Variants in PARVA observed in about 807,000 individuals in gnomAD.
The protein encoded by PARVA is parvin alpha.
A neutral mutation model predicts 52.6 loss-of-function variants in PARVA; 25 were observed. The ratio of observed to expected loss-of-function variants is 0.48; its 90% CI spans 0.35 to 0.66. PARVA has a LOEUF of 0.66. PARVA is among the 30% of genes least tolerant of loss of function. The probability of loss-of-function intolerance (pLI) is 0.01; values close to 1 mark genes in which losing one functional copy is unlikely to be tolerated. For synonymous variants in PARVA, 185 were observed against 179.1 expected (o/e 1.03, Z -0.26); for missense variants, 373 against 450.9 (o/e 0.83, Z 1.56).
chr11:12,470,457 G>A (rs958844362), intron 1 of PARVA, among the ~76,000 whole-genome samples: 3 of 152,214 alleles, frequency 2.0e-5, no homozygotes, highest in Non-Finnish European at 4.4e-5. Flanking sequence ...TCTAAGGCAT[G>A]AGAGGTTGAT....
chr11:12,524,861 C>G (rs980830866), intron 12 of PARVA, among the ~76,000 whole-genome samples: 1 of 152,168 alleles, frequency 6.6e-6, no homozygotes, highest in Non-Finnish European at 1.5e-5. Flanking sequence ...GCATACAAGT[C>G]ACTGATTTAC....
intron 1 of PARVA, among the ~76,000 whole-genome samples, chr11:12,459,508 T>A (rs1423937360): frequency 2.0e-5 from 3 of 152,072 alleles, no homozygotes; most frequent in African/African-American, 7.2e-5. Flanking sequence ...AGGCCCCACA[T>A]TCCTTGCTGG....
In PARVA at chr11:12,532,494, C is replaced by G. The variant is rs926822482; in HGVS notation, c.*4569C>G. On this transcript the variant is annotated 3_prime_UTR_variant, in exon 13 of 13. Transcript: ENST00000334956. ...CTCTGAACTCAGGACTTCATTTAGT[C>G]ATATATTCGGCAAGTATGTGTTGAG... Among the ~76,000 whole-genome samples, 1 of 152,066 alleles carries G rather than the reference C, an allele frequency of 6.6e-6. No homozygotes were observed. The highest frequency in any genetic ancestry group is 2.4e-5 in the African/African-American group (1 of 41,402).
At chr11:12,434,409 G>A (rs537418463) in intron 1 of PARVA, among the ~76,000 whole-genome samples, 46 of 152,136 alleles carry the variant, frequency 3.0e-4, no homozygotes, top group Non-Finnish European at 5.7e-4. Context: ...GGACTCTGGC[G>A]CTTGGTCCCT....
At chr11:12,394,491 G>A (rs1430052442) in intron 1 of PARVA, among the ~76,000 whole-genome samples, 1 of 152,178 alleles carries the variant, frequency 6.6e-6, no homozygotes, top group Non-Finnish European at 1.5e-5. Flanking sequence ...TCTTTTCAAG[G>A]TACATACTGA....
At chr11:12,512,849 C>T (rs1941519175) in intron 8 of PARVA, among the ~76,000 whole-genome samples, 1 of 152,140 alleles carries the variant, frequency 6.6e-6, no homozygotes, top group East Asian at 1.9e-4. Flanking sequence ...TCCCTGGCTC[C>T]CAGCCCTCTT....
chr11:12,380,697 A>G (rs1165889351), intron 1 of PARVA, among the ~76,000 whole-genome samples: 2 of 144,238 alleles, frequency 1.4e-5, no homozygotes, highest in Admixed American at 1.3e-4. Flanking sequence ...TCCAGAAGTC[A>G]CCATAGTACA....
At chr11:12,518,351 C>T (rs1941596648) in intron 11 of PARVA, 94 bp from the exon 12 acceptor site, 3 of 891,204 alleles carry the variant, frequency 3.4e-6, no homozygotes, top group Non-Finnish European at 3.7e-6. Context: ...CTCTGTCCCT[C>T]TGGCTACAGT....
At chr11:12,376,894 G>C (rs1335830679), upstream of PARVA, among the ~76,000 whole-genome samples, 1 of 152,174 alleles carries the variant, frequency 6.6e-6, no homozygotes, top group African/African-American at 2.4e-5. Context: ...AGGAGCTCAT[G>C]GTTGTGCTTT....
At chr11:12,514,313 CCT>C (rs1159322083) in intron 10 of PARVA, among the ~76,000 whole-genome samples, 3 of 152,186 alleles carry the variant, frequency 2.0e-5, no homozygotes, top group Admixed American at 1.3e-4. Context: ...TTTGGCCACA[CCT>C]CTCTCTCTTT....
intron 8 of PARVA, among the ~76,000 whole-genome samples, chr11:12,512,538 C>T (rs1589987035): frequency 6.6e-6 from 1 of 152,172 alleles, no homozygotes; most frequent in African/African-American, 2.4e-5. Context: ...GTTCTGAGAA[C>T]ACGGAGGCTG....
rs762719444 is a variant in PARVA, at chr11:12,514,083, G to C, written c.867+18G>C. ...AAACCCAGGTGGGTGACAGACCCCAGCACAGGTAGAGGCAGGGCCCTGCCC... is the reference window on the plus strand; with the variant it reads ...AAACCCAGGTGGGTGACAGACCCCACCACAGGTAGAGGCAGGGCCCTGCCC... On this transcript the variant is annotated intron_variant, in intron 10 of 12. Coordinates refer to ENST00000334956, the MANE Select transcript of PARVA (RefSeq NM_018222.5). The C allele has an allele frequency of 6.2e-7, 1 of 1,604,178 alleles. No individual in the cohort carries two copies. The highest frequency in any genetic ancestry group is 1.3e-5 in the African/African-American group (1 of 74,754).
At chr11:12,471,871 C>T (rs754685993) in intron 1 of PARVA, among the ~76,000 whole-genome samples, 3 of 152,208 alleles carry the variant, frequency 2.0e-5, no homozygotes, top group Admixed American at 1.3e-4. Context: ...GGAGCAAGTT[C>T]CTTCATTGGC....
chr11:12,486,508 G>A (rs1589976637), intron 4 of PARVA, among the ~76,000 whole-genome samples: 1 of 151,826 alleles, frequency 6.6e-6, no homozygotes, highest in Non-Finnish European at 1.5e-5. Context: ...ACTCCAGCGT[G>A]CACAACAAGA....
chr11:12,486,313 C>G (rs1379150880), intron 4 of PARVA, among the ~76,000 whole-genome samples: 1 of 152,130 alleles, frequency 6.6e-6, no homozygotes, highest in Non-Finnish European at 1.5e-5. Context: ...GTGGGTGGAT[C>G]ACCTGAGGTC....
At chr11:12,465,208 A>T (rs1940838410) in intron 1 of PARVA, among the ~76,000 whole-genome samples, 1 of 152,012 alleles carries the variant, frequency 6.6e-6, no homozygotes, top group South Asian at 2.1e-4. Flanking sequence ...TTAATGAGTT[A>T]TGGAATAGGA....
intron 1 of PARVA, among the ~76,000 whole-genome samples, chr11:12,440,135 A>G (rs781097526): frequency 6.6e-6 from 1 of 152,190 alleles, no homozygotes; most frequent in Non-Finnish European, 1.5e-5. Context: ...ACCATTGTAT[A>G]TGCTCAGTTA....
At chr11:12,413,214 G>A (rs993592918) in intron 1 of PARVA, among the ~76,000 whole-genome samples, 5 of 152,112 alleles carry the variant, frequency 3.3e-5, no homozygotes, top group African/African-American at 7.2e-5. Context: ...ATTGAGGCCC[G>A]GGAACATTGC....
At chr11:12,488,478 C>T (rs1206412025) in intron 4 of PARVA, among the ~76,000 whole-genome samples, 1 of 152,068 alleles carries the variant, frequency 6.6e-6, no homozygotes, top group East Asian at 1.9e-4. Flanking sequence ...TCCTAATGGC[C>T]TATAGCCTGA....
Sources: gnomAD v4.1 joint callset for allele counts (sites outside exome capture counted in the v4.1 genomes callset) on GRCh38, gnomAD v4.1.1 for gene constraint, MANE v1.5 for transcripts, NCBI Gene and HGNC (gene_info 2026-07-23, HGNC 2026-07-21) for gene names.